ITPKB: variants seen among roughly 807,000 people sequenced by gnomAD.
The protein encoded by ITPKB is IP3 3-kinase B.
ITPKB carries 13 observed loss-of-function variants against 69.4 expected under a neutral mutation model. That is an observed-to-expected ratio of 0.19 (90% CI 0.12 to 0.30). The LOEUF is 0.30. Among genes scored for constraint, ITPKB ranks in the 10% least tolerant of loss-of-function variants. The pLI is 1.00. For synonymous variants in ITPKB, 584 were observed against 513.7 expected, an observed-to-expected ratio of 1.14 and a Z score of -1.85; for missense variants, 1,240 against 1,250.5, an observed-to-expected ratio of 0.99 and a Z score of 0.13.
chr1:226,680,046 G>A (rs972587173), intron 2 of ITPKB, among the ~76,000 whole-genome samples: 3 of 152,200 alleles, frequency 2.0e-5, no homozygotes, highest in Non-Finnish European at 2.9e-5. Flanking sequence ...ACCAGCTTAC[G>A]GAACCAACCA....
chr1:226,733,816 A>T (rs1387042024), intron 2 of ITPKB, among the ~76,000 whole-genome samples: 1 of 152,100 alleles, frequency 6.6e-6, no homozygotes, highest in African/African-American at 2.4e-5. Flanking sequence ...AAAAAAAGTC[A>T]CCTGTCGTTA....
Position 226,681,021 on chromosome 1 carries a change from A to G in ITPKB, c.1933-32250T>C, listed in dbSNP as rs1656080360. Among the ~76,000 whole-genome samples, 3 of 152,200 alleles carry G rather than the reference A, an allele frequency of 2.0e-5. No homozygotes were observed. In the South Asian group the frequency reaches 6.2e-4, roughly 31 times the overall value. ...TTGCCCTGACAAGACTTTGAGATGC[A>G]TGCTCTCTGAAACTCCCCTCCCCTC... On this transcript the variant is annotated intron_variant, in intron 2 of 7. Coordinates refer to ENST00000429204, the MANE Select transcript of ITPKB (RefSeq NM_002221.4).
intron 2 of ITPKB, among the ~76,000 whole-genome samples, chr1:226,716,725 G>A (rs1657105925): frequency 6.6e-6 from 1 of 152,096 alleles, no homozygotes; most frequent in South Asian, 2.1e-4. Flanking sequence ...TCCAACTTTG[G>A]TCTTGAGCCC....
intron 2 of ITPKB, among the ~76,000 whole-genome samples, chr1:226,720,984 ATGAGC>A (rs1657224976): frequency 7.5e-6 from 1 of 133,798 alleles, no homozygotes; most frequent in Admixed American, 7.5e-5. Flanking sequence ...AGAGGTTGCA[ATGAGC>A]TGAGATCATG....
chr1:226,711,442 A>AGAGAGAGAGAGAGAGT (rs1491474441), intron 2 of ITPKB, among the ~76,000 whole-genome samples: 3 of 102,292 alleles, frequency 2.9e-5, no homozygotes, highest in African/African-American at 1.2e-4. Context: ...AGAGAGAGAG[A>AGAGAGAGAGAGAGAGT]GTGTGTGTGT....
intron 4 of ITPKB, among the ~76,000 whole-genome samples, chr1:226,646,771 C>G (rs1669071025): frequency 6.6e-6 from 1 of 152,186 alleles, no homozygotes; most frequent in African/African-American, 2.4e-5. Flanking sequence ...TCCCATCTCC[C>G]CTGCAGCTCA....
chr1:226,727,949 T>A (rs1174611421), intron 2 of ITPKB, among the ~76,000 whole-genome samples: 2 of 152,214 alleles, frequency 1.3e-5, no homozygotes, highest in Non-Finnish European at 2.9e-5. Context: ...CCACCCAGAA[T>A]CTTACCACAA....
rs191252961 is a variant in ITPKB, at chr1:226,689,016, G to T, written c.1933-40245C>A. On this transcript the variant is annotated intron_variant, in intron 2 of 7. Coordinates refer to ENST00000429204, the MANE Select transcript of ITPKB (RefSeq NM_002221.4). Reference sequence around the variant, plus strand: ...TCCGACCTCTTTAGAGTATTCAGCAGATGGTGATCAACACAGCCCTCTCCA... The same window carrying T: ...TCCGACCTCTTTAGAGTATTCAGCATATGGTGATCAACACAGCCCTCTCCA... 1.9e-4 allele frequency among the ~76,000 whole-genome samples: 29 copies of T among 152,222 alleles called. No individual in the cohort carries two copies. In the East Asian group the frequency reaches 5.2e-3, roughly 27 times the overall value.
intron 2 of ITPKB, among the ~76,000 whole-genome samples, chr1:226,706,511 A>G (rs1304768593): frequency 6.6e-6 from 1 of 152,194 alleles, no homozygotes; most frequent in African/African-American, 2.4e-5. Flanking sequence ...AAAGGGCAAC[A>G]TGGCCTGTGA....
chr1:226,701,924 C>T (rs898060413), intron 2 of ITPKB, among the ~76,000 whole-genome samples: 2 of 152,150 alleles, frequency 1.3e-5, no homozygotes, highest in East Asian at 1.9e-4. Context: ...TGCTCATTCA[C>T]GGCTCCCTTA....
At chr1:226,688,705 C>A (rs1391796263) in intron 2 of ITPKB, among the ~76,000 whole-genome samples, 1 of 152,214 alleles carries the variant, frequency 6.6e-6, no homozygotes, top group African/African-American at 2.4e-5. Flanking sequence ...TCTCCTTCCC[C>A]TTTCACCTGG....
rs968813923 is a variant in ITPKB at position 226,639,747 on chromosome 1, C to T, written c.2452-89G>A. 5 of 862,768 alleles carry T rather than the reference C, an allele frequency of 5.8e-6. No homozygotes were observed. In the Admixed American group the frequency reaches 7.5e-5, roughly 13 times the overall value. 53.4% of individuals were successfully genotyped at this position (862,768 alleles called of 1,614,324 possible). ...CACCCACCCAACACCACAGAGCAGG[C>T]GAGCCCCATCTGAACCTGGGGCAGG... On this transcript the variant is annotated intron_variant, in intron 5 of 7. Transcript: ENST00000429204.
At chr1:226,648,570 G>A (rs1427244756) in intron 3 of ITPKB, 102 bp downstream of exon 3, 1 of 769,454 alleles carries the variant, frequency 1.3e-6, no homozygotes, top group Non-Finnish European at 2.3e-6. Context: ...AAGTCTTGGA[G>A]GGAACTTGCT....
At chr1:226,669,677 A>T (rs1266562004) in intron 2 of ITPKB, among the ~76,000 whole-genome samples, 3 of 152,358 alleles carry the variant, frequency 2.0e-5, no homozygotes, top group South Asian at 4.1e-4. Context: ...AATAAACTGC[A>T]GAAAATATTT....
chr1:226,635,030 A>C (rs1285044394), intron 7 of ITPKB, 144 bp from the exon 8 acceptor site: 1 of 643,286 alleles, frequency 1.6e-6, no homozygotes, highest in Non-Finnish European at 2.7e-6. Flanking sequence ...ATTTTCAGAC[A>C]GGCAGCAGAG....
intron 2 of ITPKB, among the ~76,000 whole-genome samples, chr1:226,724,776 C>A (rs562845931): frequency 6.6e-6 from 1 of 152,348 alleles, no homozygotes; most frequent in South Asian, 2.1e-4. Flanking sequence ...CCATGTCCTT[C>A]TGGTCAATCG....
intron 2 of ITPKB, among the ~76,000 whole-genome samples, chr1:226,667,931 ACCAACAGCACAGCCAACAGCACAG>A (rs376731946): frequency 1.3e-5 from 2 of 151,988 alleles, no homozygotes; most frequent in Admixed American, 1.3e-4. Flanking sequence ...GCAAAAAAGC[ACCAACAGCACAGCCAACAGCACAG>A]CCAACAGCAC....
At position 226,702,355 on chromosome 1, in the gene ITPKB, G is replaced by A. The variant is rs188174629; in HGVS notation, c.1932+33172C>T. On this transcript the variant is annotated intron_variant, in intron 2 of 7. Transcript: ENST00000429204. ...GGAAGTTGCAGTGAGCGGACATCAC[G>A]CCACTACACTCCAGCCTGGGCGACA... Among the ~76,000 whole-genome samples the A allele has an allele frequency of 2.8e-3, 408 of 147,714 alleles. 2 individuals are homozygous for A. The highest frequency in any genetic ancestry group is 9.7e-3 in the African/African-American group (384 of 39,422).
chr1:226,732,549 T>TG (rs1558100378), intron 2 of ITPKB, among the ~76,000 whole-genome samples: 1 of 151,818 alleles, frequency 6.6e-6, no homozygotes, highest in Non-Finnish European at 1.5e-5. Flanking sequence ...TCTTTTGTTT[T>TG]TTTTTTTTTT....
Sources: gnomAD v4.1 joint callset for allele counts (sites outside exome capture counted in the v4.1 genomes callset) on GRCh38, gnomAD v4.1.1 for gene constraint, MANE v1.5 for transcripts, NCBI Gene and HGNC (gene_info 2026-07-23, HGNC 2026-07-21) for gene names.